The following ATG5 variants were observed in gnomAD, a reference collection of about 807,000 sequenced individuals.
ATG5 encodes autophagy protein 5.
ATG5 carries 14 observed loss-of-function variants against 36.5 expected under a neutral mutation model. The observed-to-expected ratio is 0.38, with a 90% CI of 0.25 to 0.60. The LOEUF (loss-of-function observed/expected upper bound fraction) is 0.60. Among genes scored for constraint, ATG5 ranks in the 20% least tolerant of loss-of-function variants. ATG5 has a pLI of 0.60. For missense variants in ATG5, 195 were observed against 326.7 expected (o/e 0.60, Z 3.11); for synonymous variants, 95 against 101.5 (o/e 0.94, Z 0.38).
Position 106,316,088 on chromosome 6 carries a change from T to C in ATG5, c.108+13A>G. 1 of 1,590,522 alleles carries C rather than the reference T, an allele frequency of 6.3e-7. No homozygotes were observed. The highest frequency in any genetic ancestry group is 8.6e-7 in the Non-Finnish European group (1 of 1,164,988). On this transcript the variant is annotated intron_variant, in intron 2 of 7. Coordinates refer to ENST00000369076, the MANE Select transcript of ATG5 (RefSeq NM_004849.4). ...AGGTTAAATATCCCATTTGCCACAA[T>C]CAATGTACTTACATAGTATGGTTCT...
At chr6:106,241,005 T>C (rs562721600) in intron 6 of ATG5, among the ~76,000 whole-genome samples, 1 of 152,144 alleles carries the variant, frequency 6.6e-6, no homozygotes, top group South Asian at 2.1e-4. Flanking sequence ...ATACAAAAAT[T>C]AGTCGGGCAT....
At position 106,287,476 on chromosome 6, in the gene ATG5, T is replaced by C. The variant is rs76755855; in HGVS notation, c.315+5552A>G. Among the ~76,000 whole-genome samples the C allele has an allele frequency of 1.4e-4, 21 of 152,340 alleles. 1 individual carries two copies. The East Asian group carries it at 4.0e-3, about 29-fold the overall frequency. ...CAGCACATAAGCACTTATCTGAATG[T>C]TGATCTTATTTTACTTAACAAATGT... On this transcript the variant is annotated intron_variant, in intron 4 of 7. Transcript: ENST00000369076.
chr6:106,225,818 C>A (rs1562222010), intron 6 of ATG5, among the ~76,000 whole-genome samples: 1 of 152,142 alleles, frequency 6.6e-6, no homozygotes, highest in Non-Finnish European at 1.5e-5. Flanking sequence ...TGTGGAAAAT[C>A]AGTGGCAATT....
chr6:106,288,844 A>G (rs955669385), intron 4 of ATG5, among the ~76,000 whole-genome samples: 1 of 152,186 alleles, frequency 6.6e-6, no homozygotes, highest in South Asian at 2.1e-4. Context: ...CACAAACATC[A>G]AAGTCAGTTA....
chr6:106,252,451 A>T (rs1387149251), intron 5 of ATG5, among the ~76,000 whole-genome samples: 1 of 151,934 alleles, frequency 6.6e-6, no homozygotes, highest in Non-Finnish European at 1.5e-5. Flanking sequence ...TGGTCTTGCA[A>T]ATTTTAAAAC....
chr6:106,282,113 T>TC (rs1423363129), intron 4 of ATG5, among the ~76,000 whole-genome samples: 3 of 152,174 alleles, frequency 2.0e-5, no homozygotes, highest in African/African-American at 7.2e-5. Context: ...GCTAAACCAA[T>TC]CAGCTAGGAA....
intron 6 of ATG5, among the ~76,000 whole-genome samples, chr6:106,204,102 A>G (rs1421523028): frequency 6.6e-6 from 1 of 152,182 alleles, no homozygotes; most frequent in Non-Finnish European, 1.5e-5. Context: ...GGGGAGGGAT[A>G]GCATTAGGAG....
chr6:106,276,548 T>C (rs1050989667), intron 5 of ATG5, among the ~76,000 whole-genome samples: 1 of 151,906 alleles, frequency 6.6e-6, no homozygotes, highest in African/African-American at 2.4e-5. Context: ...AAACCAGGCC[T>C]TTGTTGTTCT....
chr6:106,306,830 C>T (rs1465116720), intron 3 of ATG5, among the ~76,000 whole-genome samples: 1 of 152,120 alleles, frequency 6.6e-6, no homozygotes, highest in Non-Finnish European at 1.5e-5. Flanking sequence ...CTTCCCATTC[C>T]AAAATCTCCA....
At chr6:106,288,285 AAT>A (rs1204460682) in intron 4 of ATG5, among the ~76,000 whole-genome samples, 11 of 152,170 alleles carry the variant, frequency 7.2e-5, no homozygotes, top group African/African-American at 2.6e-4. Context: ...TAATTTTTCT[AAT>A]ATATGTTTAA....
At chr6:106,227,146 G>A (rs1300519472) in intron 6 of ATG5, among the ~76,000 whole-genome samples, 1 of 152,044 alleles carries the variant, frequency 6.6e-6, no homozygotes, top group East Asian at 1.9e-4. Flanking sequence ...TCCACACCTA[G>A]GTACATCATA....
intron 5 of ATG5, among the ~76,000 whole-genome samples, chr6:106,256,447 T>TC (rs1262311735): frequency 7.2e-5 from 11 of 152,088 alleles, no homozygotes; most frequent in African/African-American, 2.7e-4. Flanking sequence ...TTTTGAAAGC[T>TC]CCCCAGATGA....
At chr6:106,286,066 T>C (rs1582654656) in intron 4 of ATG5, among the ~76,000 whole-genome samples, 2 of 151,304 alleles carry the variant, frequency 1.3e-5, no homozygotes, top group East Asian at 3.8e-4. Flanking sequence ...CCCTACAACA[T>C]CCACTATCTA....
intron 5 of ATG5, among the ~76,000 whole-genome samples, chr6:106,254,176 T>C (rs1279973131): frequency 2.0e-5 from 3 of 152,226 alleles, no homozygotes; most frequent in South Asian, 2.1e-4. Context: ...CTGCTTCTCA[T>C]CATTCAAGTC....
intron 7 of ATG5, among the ~76,000 whole-genome samples, chr6:106,194,980 G>C (rs1361432656): frequency 6.6e-6 from 1 of 152,156 alleles, no homozygotes; most frequent in Non-Finnish European, 1.5e-5. Context: ...TTTAACTACA[G>C]CTGAAACGAC....
chr6:106,244,600 TA>T (rs1778258782), intron 6 of ATG5, among the ~76,000 whole-genome samples: 1 of 152,228 alleles, frequency 6.6e-6, no homozygotes, highest in East Asian at 1.9e-4. Context: ...CCTGGGGCAT[TA>T]GGTTTTTATT....
intron 2 of ATG5, among the ~76,000 whole-genome samples, chr6:106,313,351 C>T (rs1488126343): frequency 6.6e-6 from 1 of 152,130 alleles, no homozygotes; most frequent in East Asian, 1.9e-4. Context: ...GGCTCAGAGA[C>T]ATAGTCATAG....
intron 7 of ATG5, among the ~76,000 whole-genome samples, chr6:106,189,718 A>AG (rs1293887935): frequency 1.3e-5 from 2 of 152,174 alleles, no homozygotes; most frequent in East Asian, 3.9e-4. Flanking sequence ...GTTAAAGTAA[A>AG]CAATATTTTT....
At chr6:106,309,953 G>A (rs1048885644) in intron 2 of ATG5, among the ~76,000 whole-genome samples, 3 of 151,994 alleles carry the variant, frequency 2.0e-5, no homozygotes, top group Non-Finnish European at 4.4e-5. Flanking sequence ...ACAGCTAATG[G>A]GTATGGATAT....
Sources: allele counts gnomAD v4.1 joint callset (sites outside exome capture counted in the v4.1 genomes callset), GRCh38; gene constraint gnomAD v4.1.1; transcripts MANE v1.5; gene names NCBI Gene and HGNC (gene_info 2026-07-23, HGNC 2026-07-21).